Variants in VWA3B observed in about 807,000 individuals in gnomAD.
VWA3B encodes the protein von Willebrand factor A domain-containing protein 3B.
In VWA3B, 138 loss-of-function variants were observed where a neutral mutation model predicts 158.3. The observed-to-expected ratio is 0.87, with a 90% CI of 0.76 to 1.00. VWA3B has a LOEUF of 1.00. VWA3B is among the 50% of genes least tolerant of loss of function. The pLI is 0.00. For synonymous variants in VWA3B, 596 were observed against 587.3 expected (o/e 1.01, Z -0.21); for missense variants, 1,555 against 1,565.1 (o/e 0.99, Z 0.11).
chr2:98,138,806 C>T (rs948656495), intron 7 of VWA3B, among the ~76,000 whole-genome samples: 1 of 152,208 alleles, frequency 6.6e-6, no homozygotes, highest in African/African-American at 2.4e-5. Flanking sequence ...TCAGCTTTTA[C>T]TTCCAGGGAT....
chr2:98,136,479 TC>T (rs1443937462), intron 7 of VWA3B, among the ~76,000 whole-genome samples: 1 of 151,998 alleles, frequency 6.6e-6, no homozygotes, highest in Non-Finnish European at 1.5e-5. Context: ...GAATCGAAGA[TC>T]AAGGCACTAG....
chr2:98,297,386 A>G (rs531590694), intron 23 of VWA3B, among the ~76,000 whole-genome samples: 1 of 152,206 alleles, frequency 6.6e-6, no homozygotes, highest in African/African-American at 2.4e-5. Flanking sequence ...CCAGCCTTAC[A>G]TCTTTTTTCT....
intron 24 of VWA3B, among the ~76,000 whole-genome samples, chr2:98,298,798 G>A (rs917053456): frequency 6.6e-6 from 1 of 152,264 alleles, no homozygotes; most frequent in Admixed American, 6.5e-5. Context: ...AGGCTCAAGG[G>A]CGCTGTTACA....
chr2:98,250,898 G>C (rs912757504), intron 20 of VWA3B, among the ~76,000 whole-genome samples: 3 of 151,710 alleles, frequency 2.0e-5, no homozygotes, highest in Admixed American at 1.3e-4. Flanking sequence ...CACCTACTGT[G>C]TACCCACAAA....
chr2:98,242,295 T>C lies in VWA3B; in HGVS notation c.2673+5565T>C. 2 of 456,112 alleles carry C rather than the reference T, an allele frequency of 4.4e-6. 1 individual carries two copies. Among genetic ancestry groups the C allele is most frequent in the Admixed American group, 4.7e-5 (2 of 42,560 alleles). 28.3% of individuals were successfully genotyped at this position (456,112 alleles called of 1,614,324 possible). ...AGCCTCAAATCGGTCACCTTGGAAA[T>C]GAGGTATTGAGCAAAGAGGTTGCCC... is the stretch of plus-strand genomic sequence containing the variant. On this transcript the variant is annotated intron_variant, in intron 19 of 27. Transcript: ENST00000477737.
intron 2 of VWA3B, among the ~76,000 whole-genome samples, chr2:98,098,665 T>TCCA (rs1449284690): frequency 9.9e-5 from 15 of 152,130 alleles, no homozygotes; most frequent in African/African-American, 3.1e-4. Context: ...ATACAGCCAC[T>TCCA]CTGTGTATTT....
intron 14 of VWA3B, among the ~76,000 whole-genome samples, chr2:98,226,173 T>C: frequency 6.6e-6 from 1 of 152,228 alleles, no homozygotes; most frequent in East Asian, 1.9e-4. Context: ...TTATACCTAG[T>C]ATTAAGGCTT....
intron 12 of VWA3B, among the ~76,000 whole-genome samples, chr2:98,211,681 G>C: frequency 6.6e-6 from 1 of 151,236 alleles, no homozygotes; most frequent in East Asian, 1.9e-4. Context: ...TGCATTAAGA[G>C]CTCTGTCAAG....
intron 7 of VWA3B, among the ~76,000 whole-genome samples, chr2:98,151,238 G>A (rs913931307): frequency 6.6e-5 from 10 of 151,842 alleles, no homozygotes; most frequent in Admixed American, 2.0e-4. Flanking sequence ...TCAGCCTCCC[G>A]AGTAGCTGGG....
intron 19 of VWA3B, among the ~76,000 whole-genome samples, chr2:98,237,506 A>T (rs545342529): frequency 6.6e-6 from 1 of 152,320 alleles, no homozygotes; most frequent in South Asian, 2.1e-4. Context: ...CCGAGAGGAG[A>T]AAAACAGCTT....
chr2:98,248,840 TTTC>T, intron 19 of VWA3B, among the ~76,000 whole-genome samples: 1 of 22,582 alleles, frequency 4.4e-5, no homozygotes, highest in Admixed American at 4.5e-4. Context: ...TCTTTCTTTC[TTTC>T]TTTCTTTCTT....
chr2:98,202,990 G>A (rs1682694896), intron 12 of VWA3B, among the ~76,000 whole-genome samples: 1 of 152,044 alleles, frequency 6.6e-6, no homozygotes, highest in African/African-American at 2.4e-5. Context: ...GTACCACCAT[G>A]CCTGGCTAAT....
At chr2:98,183,425 C>T (rs576977164) in intron 9 of VWA3B, among the ~76,000 whole-genome samples, 16 of 152,234 alleles carry the variant, frequency 1.1e-4, no homozygotes, top group African/African-American at 3.6e-4. Context: ...ACCCAGGAAA[C>T]TCGTTAACAC....
At chr2:98,219,464 C>G (rs1684300536) in intron 14 of VWA3B, among the ~76,000 whole-genome samples, 1 of 151,868 alleles carries the variant, frequency 6.6e-6, no homozygotes, top group Non-Finnish European at 1.5e-5. Flanking sequence ...CAAACCAAAA[C>G]AAAAAACAGA....
chr2:98,275,918 A>G (rs1401738953), intron 22 of VWA3B, among the ~76,000 whole-genome samples: 1 of 152,212 alleles, frequency 6.6e-6, no homozygotes, highest in Non-Finnish European at 1.5e-5. Flanking sequence ...CTTCACTGGG[A>G]AGGCAGGGAG....
intron 7 of VWA3B, 85 bp from the exon 8 acceptor site, chr2:98,162,766 C>T (rs1678721404): frequency 1.3e-6 from 2 of 1,525,850 alleles, no homozygotes; most frequent in African/African-American, 2.8e-5. Flanking sequence ...AGAAACTTGG[C>T]TGCAATGCGT....
chr2:98,214,702 C>T lies in VWA3B; in HGVS notation c.1836+2674C>T, dbSNP rs142647122. Among the ~76,000 whole-genome samples the T allele has an allele frequency of 2.3e-3, 357 of 152,284 alleles. 3 individuals are homozygous for T. The highest frequency in any genetic ancestry group is 0.02 in the Middle Eastern group (6 of 294). Reference sequence around the variant, plus strand: ...TGGCTTCATATCATTTCATAAAGAGCGTCCTCATTCTCTTCTAGGTTCCAT... The same window carrying T: ...TGGCTTCATATCATTTCATAAAGAGTGTCCTCATTCTCTTCTAGGTTCCAT... On this transcript the variant is annotated intron_variant, in intron 13 of 27. Transcript: ENST00000477737.
chr2:98,092,814 TTG>T (rs1553633922), intron 1 of VWA3B, among the ~76,000 whole-genome samples: 2 of 84,964 alleles, frequency 2.4e-5, no homozygotes, highest in African/African-American at 8.8e-5. Flanking sequence ...CTAGATGTTT[TTG>T]TATATATATA....
At chr2:98,134,938 A>G (rs1676146097) in intron 7 of VWA3B, among the ~76,000 whole-genome samples, 2 of 152,028 alleles carry the variant, frequency 1.3e-5, no homozygotes, top group Admixed American at 1.3e-4. Flanking sequence ...ATGTTCCCAT[A>G]GAGTTCACTG....
Sources: gnomAD v4.1 joint callset for allele counts (sites outside exome capture counted in the v4.1 genomes callset) on GRCh38, gnomAD v4.1.1 for gene constraint, MANE v1.5 for transcripts, NCBI Gene and HGNC (gene_info 2026-07-23, HGNC 2026-07-21) for gene names.